Variants in NUP214 observed in about 807,000 individuals in gnomAD.
The protein encoded by NUP214 is nuclear pore complex protein Nup214.
In NUP214, 79 loss-of-function variants were observed where a neutral mutation model predicts 196.2. The ratio of observed to expected loss-of-function variants is 0.40; its 90% CI spans 0.34 to 0.49. NUP214 has a LOEUF of 0.49. NUP214 is among the 20% of genes least tolerant of loss of function. NUP214 has a pLI of 0.58. For synonymous variants in NUP214, 1,020 were observed against 990.5 expected (o/e 1.03, Z -0.56); for missense variants, 2,468 against 2,539.0 (o/e 0.97, Z 0.60).
chr9:131,179,528 G>T (rs1314263719), intron 24 of NUP214, among the ~76,000 whole-genome samples: 1 of 152,152 alleles, frequency 6.6e-6, no homozygotes, highest in East Asian at 1.9e-4. Flanking sequence ...TCAGATTTCA[G>T]GGAGTTAGTG....
Position 131,173,966 on chromosome 9 carries a change from A to ATT in NUP214, c.2894-78_2894-77dup, listed in dbSNP as rs878908783. The ATT allele has an allele frequency of 5.0e-4, 582 of 1,154,608 alleles. 1 individual carries two copies. The highest frequency in any genetic ancestry group is 9.1e-4 in the Admixed American group (37 of 40,474). The allele number at this position is 1,154,608 out of a possible 1,614,324, so 71.5% of individuals were successfully genotyped here. ...AATTAAATCATTTTACAAGTTGAGT[A>ATT]TTTTTTTTTTTTATCAACAGTGAAA... On this transcript the variant is annotated intron_variant, in intron 21 of 35. Transcript: ENST00000359428.
intron 21 of NUP214, among the ~76,000 whole-genome samples, chr9:131,171,342 C>G (rs1832950981): frequency 6.6e-6 from 1 of 152,140 alleles, no homozygotes; most frequent in Non-Finnish European, 1.5e-5. Context: ...CTCTTTCTGT[C>G]TAGTTCTTGA....
Position 131,139,381 on chromosome 9 carries a change from A to G in NUP214, c.1106A>G (p.Tyr369Cys). 7 of 1,607,246 alleles carry G rather than the reference A, an allele frequency of 4.4e-6. No individual in the cohort carries two copies. The highest frequency in any genetic ancestry group is 5.9e-6 in the Non-Finnish European group (7 of 1,177,808). ...TTGCCCATGGGAGTTGTCGTAGACT[A>G]TACAAACCAAGTGGAAATCACCATC... The part of the protein sequence containing the change: ...DSLPMGVVVD[Y>C]TNQVEITISD... The change falls in exon 10 of 36, where the codon TAT (tyrosine) becomes TGT (cysteine). Residue 369 changes from tyrosine to cysteine, a missense_variant. Tyr to Cys is a radical substitution (Grantham distance 194, BLOSUM62 -2). Around this residue, in one of 5 missense-constraint regions of NUP214, gnomAD observed 1,801 missense variants for 1,779.4 expected, o/e 1.01. Coordinates refer to ENST00000359428, the MANE Select transcript of NUP214 (RefSeq NM_005085.4).
intron 17 of NUP214, among the ~76,000 whole-genome samples, chr9:131,156,692 T>G (rs1392736298): frequency 6.6e-6 from 1 of 152,118 alleles, no homozygotes; most frequent in Non-Finnish European, 1.5e-5. Flanking sequence ...TCCTGAAAGT[T>G]TACTGAATTC....
chr9:131,146,588 C>T lies in NUP214; in HGVS notation c.1945+284C>T, dbSNP rs566001316. Among the ~76,000 whole-genome samples the T allele has an allele frequency of 1.3e-4, 20 of 152,236 alleles. No homozygotes were observed. Among genetic ancestry groups the T allele is most frequent in the South Asian group, 4.1e-4 (2 of 4,826 alleles). On this transcript the variant is annotated intron_variant, in intron 13 of 35. Transcript: ENST00000359428. The surrounding 1 kb of genome is among the most constrained non-coding windows in gnomAD (Gnocchi z 4.6). The stretch of plus-strand genomic sequence containing the variant: ...GGCATTTATTTTCATATGGAGCCTG[C>T]CCTCCATGAAGAGCAGTTACATAAC...
At chr9:131,183,733 T>A (rs1056100825) in intron 24 of NUP214, among the ~76,000 whole-genome samples, 10 of 152,292 alleles carry the variant, frequency 6.6e-5, no homozygotes, top group African/African-American at 2.2e-4. Context: ...GGAACTTTAA[T>A]CCTTTTGTTT....
rs745380811 is a variant in NUP214 at position 131,140,542 on chromosome 9, T to C, written c.1133-7T>C. On this transcript the variant is annotated splice_region_variant and splice_polypyrimidine_tract_variant and intron_variant, in intron 10 of 35. Coordinates refer to ENST00000359428, the MANE Select transcript of NUP214 (RefSeq NM_005085.4). ...GGTTTTTTTATTTTTGTTTTCTTTT[T>C]TAACAGGTGATGAAAAGACTCTTCC... 2 of 1,594,086 alleles carry C rather than the reference T, an allele frequency of 1.3e-6. No homozygotes were observed. Among genetic ancestry groups the C allele is most frequent in the Non-Finnish European group, 1.7e-6 (2 of 1,174,692 alleles).
At position 131,127,825 on chromosome 9, in the gene NUP214, C is replaced by T. The variant is rs981859661; in HGVS notation, c.241+106C>T. On this transcript the variant is annotated intron_variant, in intron 2 of 35. Transcript: ENST00000359428. ...CTAATACTAAAATGAACACTGCTGTCAGTTTGAAGGTTGACTCCCAAGAAG... is the reference window on the plus strand; with the variant it reads ...CTAATACTAAAATGAACACTGCTGTTAGTTTGAAGGTTGACTCCCAAGAAG... 6.9e-5 allele frequency: 57 copies of T among 826,896 alleles called. No homozygotes were observed. In the African/African-American group the frequency reaches 8.7e-4, roughly 13 times the overall value. The allele number at this position is 826,896 out of a possible 1,614,324, so 51.2% of individuals were successfully genotyped here.
At position 131,125,965 on chromosome 9, in the gene NUP214, G is replaced by C. The variant is rs1588117597; in HGVS notation, c.45+216G>C. The stretch of plus-strand genomic sequence containing the variant: ...TCCTGGTCTCGTGCACGGCTGTTGA[G>C]TTACCCTAGCTACTTCCTGGGGCGG... On this transcript the variant is annotated intron_variant, in intron 1 of 35. Coordinates refer to ENST00000359428, the MANE Select transcript of NUP214 (RefSeq NM_005085.4). This position sits in a 1 kb window ranked among gnomAD's most constrained non-coding sequence, Gnocchi z 4.1. The C allele has an allele frequency of 1.0e-5, 6 of 600,774 alleles. No homozygotes were observed. In the East Asian group the frequency reaches 1.8e-4, roughly 18 times the overall value. 37.2% of individuals were successfully genotyped at this position (600,774 alleles called of 1,614,324 possible). A position where few individuals can be genotyped will look rare whatever the true frequency, so the allele number is the denominator to read the frequency against.
Position 131,146,157 on chromosome 9 carries a change from G to A in NUP214, c.1798G>A (p.Val600Ile). The change falls in exon 13 of 36, where the codon GTT becomes ATT. Residue 600 changes from valine (V) to isoleucine (I), a missense_variant. Physicochemically the swap from Val to Ile is conservative, Grantham distance 29 (BLOSUM62 3). Coordinates refer to ENST00000359428, the MANE Select transcript of NUP214 (RefSeq NM_005085.4). The surrounding 1 kb of genome is among the most constrained non-coding windows in gnomAD (Gnocchi z 4.6). ...TACTGCTGCAGCTACCTCTACTCCT[G>A]TTAGTAGCTCCCAGAGCGCACCCCC... ...KFTAAATSTP[V>I]SSSQSAPPMS... 6.2e-7 allele frequency: 1 copy of A among 1,614,118 alleles called. No homozygotes were observed. The highest frequency in any genetic ancestry group is 8.5e-7 in the Non-Finnish European group (1 of 1,180,036).
intron 17 of NUP214, among the ~76,000 whole-genome samples, chr9:131,155,097 A>G (rs1343500741): frequency 6.6e-6 from 1 of 152,220 alleles, no homozygotes; most frequent in Non-Finnish European, 1.5e-5. Context: ...GTACTAGTTT[A>G]CATTCCCAAC....
rs1831834036 is a variant in NUP214, at chr9:131,139,249, CT to C, written c.1006-30del. 2.2e-6 allele frequency: 3 copies of C among 1,370,830 alleles called. No homozygotes were observed. The South Asian group carries it at 4.4e-5, about 20-fold the overall frequency. 84.9% of individuals were successfully genotyped at this position (1,370,830 alleles called of 1,614,324 possible). Reference sequence around the variant, plus strand: ...ACATGGCTTTTTCTTTTTTCTTCTTCTTCTTCTTTTTTTTTTTTTTTTTTTT... The same window carrying C: ...ACATGGCTTTTTCTTTTTTCTTCTTCTCTTCTTTTTTTTTTTTTTTTTTTT... On this transcript the variant is annotated intron_variant, in intron 9 of 35. Coordinates refer to ENST00000359428, the MANE Select transcript of NUP214 (RefSeq NM_005085.4).
intron 30 of NUP214, among the ~76,000 whole-genome samples, chr9:131,206,829 A>C (rs1405086103): frequency 6.6e-6 from 1 of 152,254 alleles, no homozygotes; most frequent in Non-Finnish European, 1.5e-5. Flanking sequence ...AGCCAAAGAA[A>C]TAGAAAACAT....
At position 131,233,502 on chromosome 9, in the gene NUP214, G is replaced by C. The variant is rs767761613; in HGVS notation, c.*15G>C. The C allele has an allele frequency of 6.2e-7, 1 of 1,613,632 alleles. No homozygotes were observed. The highest frequency in any genetic ancestry group is 2.2e-5 in the East Asian group (1 of 44,858). ...GGCGAAGCTGAGGGCGTGTCAGCAG[G>C]CCTTTCGATCCCTGGGACCAACCGC... On this transcript the variant is annotated 3_prime_UTR_variant, in exon 36 of 36. Coordinates refer to ENST00000359428, the MANE Select transcript of NUP214 (RefSeq NM_005085.4).
intron 5 of NUP214, among the ~76,000 whole-genome samples, chr9:131,132,268 G>A (rs986257251): frequency 6.6e-6 from 1 of 151,536 alleles, no homozygotes; most frequent in Non-Finnish European, 1.5e-5. Flanking sequence ...TACGGCACCC[G>A]CCACCACACC....
At chr9:131,162,021 T>C (rs1168977559) in intron 18 of NUP214, among the ~76,000 whole-genome samples, 1 of 152,210 alleles carries the variant, frequency 6.6e-6, no homozygotes, top group Non-Finnish European at 1.5e-5. Context: ...TGATTTTTTT[T>C]TTAAGCTTAT....
intron 28 of NUP214, among the ~76,000 whole-genome samples, chr9:131,195,942 T>G (rs1833765091): frequency 7.5e-6 from 1 of 133,984 alleles, no homozygotes; most frequent in Non-Finnish European, 1.5e-5. Flanking sequence ...GGAGAATTGC[T>G]TGAACCTGGG....
chr9:131,138,498 A>G (rs1831808739), intron 9 of NUP214, among the ~76,000 whole-genome samples: 1 of 152,204 alleles, frequency 6.6e-6, no homozygotes, highest in Admixed American at 6.5e-5. Context: ...GATTACAGGC[A>G]TGAACCACTA....
chr9:131,127,737 T>C lies in NUP214; in HGVS notation c.241+18T>C. On this transcript the variant is annotated intron_variant, in intron 2 of 35. Coordinates refer to ENST00000359428, the MANE Select transcript of NUP214 (RefSeq NM_005085.4). ...CAAAATAGGTAAGTTCCCTGGTTTA[T>C]GTTGCAAAGTAGAGAGAGGAGTATG... The C allele has an allele frequency of 2.5e-6, 4 of 1,584,158 alleles. No homozygotes were observed. Among genetic ancestry groups the C allele is most frequent in the Non-Finnish European group, 2.6e-6 (3 of 1,154,304 alleles).
Sources: allele counts gnomAD v4.1 joint callset (sites outside exome capture counted in the v4.1 genomes callset), GRCh38; gene constraint gnomAD v4.1.1; regional missense constraint gnomAD v4.1.1; non-coding constraint Gnocchi (gnomAD v3.1); transcripts MANE v1.5; gene names NCBI Gene and HGNC (gene_info 2026-07-23, HGNC 2026-07-21).